Variants in AKT2 observed in about 807,000 individuals in gnomAD.
AKT2 encodes AKT serine/threonine kinase 2.
In AKT2, 16 loss-of-function variants were observed where a neutral mutation model predicts 58.6. The ratio of observed to expected loss-of-function variants is 0.27; its 90% CI spans 0.18 to 0.41. The LOEUF is 0.41. Ranked by LOEUF, AKT2 falls within the 10% of genes least tolerant of loss-of-function variation. AKT2 has a pLI of 1.00. For missense variants in AKT2, 438 were observed against 661.0 expected, an observed-to-expected ratio of 0.66 and a Z score of 3.70; for synonymous variants, 253 against 254.0, an observed-to-expected ratio of 1.00 and a Z score of 0.04.
At chr19:40,264,697 C>T (rs1976215281) in intron 2 of AKT2, among the ~76,000 whole-genome samples, 1 of 152,110 alleles carries the variant, frequency 6.6e-6, no homozygotes, top group South Asian at 2.1e-4. Context: ...CCGTCTCCTC[C>T]GGGCAGCCTC....
chr19:40,277,512 G>A (rs952959911), intron 1 of AKT2, among the ~76,000 whole-genome samples: 5 of 152,004 alleles, frequency 3.3e-5, no homozygotes, highest in African/African-American at 1.2e-4. Context: ...TTCTCTTTGG[G>A]GATAAAGCCC....
intron 1 of AKT2, chr19:40,274,941 G>A (rs565470331): frequency 4.9e-4 from 195 of 399,084 alleles, no homozygotes; most frequent in Non-Finnish European, 8.7e-4. Flanking sequence ...CCAGGGCAGG[G>A]CAGGAGTCCT....
chr19:40,257,285 G>GA (rs1975606880), intron 2 of AKT2, among the ~76,000 whole-genome samples: 1 of 152,240 alleles, frequency 6.6e-6, no homozygotes, highest in African/African-American at 2.4e-5. Context: ...TGCCTGGCAG[G>GA]AAGGTGCCAG....
intron 1 of AKT2, chr19:40,275,377 G>A (rs1377136915): frequency 2.2e-6 from 1 of 452,444 alleles, no homozygotes; most frequent in South Asian, 1.6e-5. Flanking sequence ...GGGCCCAGTG[G>A]CAAAAGGAGA....
At chr19:40,280,439 C>T (rs986982004) in intron 1 of AKT2, among the ~76,000 whole-genome samples, 3 of 152,162 alleles carry the variant, frequency 2.0e-5, no homozygotes, top group Non-Finnish European at 4.4e-5. Context: ...GCCTGTGAAA[C>T]GCCCTGCTCC....
At position 40,250,645 on chromosome 19, in the gene AKT2, TG is replaced by T. The variant is rs569905637; in HGVS notation, c.287+4512del. On this transcript the variant is annotated intron_variant, in intron 4 of 13. Transcript: ENST00000392038. ...GGGTTCAAGACCAGCCTGGGCAACA[TG>T]GTGAAACCCCATCTCTACAAAAAAT... 1.1e-4 allele frequency among the ~76,000 whole-genome samples: 16 copies of T among 151,682 alleles called. No individual in the cohort carries two copies. The South Asian group carries it at 3.1e-3, about 30-fold the overall frequency.
At position 40,235,024 on chromosome 19, in the gene AKT2, G is replaced by T. The variant is rs147362111; in HGVS notation, c.1366+21C>A. ...CCACCCCTGGGGCAGGCACACCAGC[G>T]CGGGGGCCCCAGGCACTCACAGCGG... On this transcript the variant is annotated intron_variant, in intron 13 of 13. Transcript: ENST00000392038. This position sits in a 1 kb window ranked among gnomAD's most constrained non-coding sequence, Gnocchi z 6.3. 8 of 1,607,568 alleles carry T rather than the reference G, an allele frequency of 5.0e-6. No individual in the cohort carries two copies. In the East Asian group the frequency reaches 8.9e-5, roughly 18 times the overall value.
At chr19:40,241,289 G>T (rs1974389947) in intron 6 of AKT2, 1 of 159,606 alleles carries the variant, frequency 6.3e-6, no homozygotes, top group East Asian at 1.8e-4. Context: ...AGCTAATTTG[G>T]TTGGCTCTGA....
chr19:40,238,754 G>T lies in AKT2; in HGVS notation c.708+151C>A. 1.3e-6 allele frequency: 1 copy of T among 790,036 alleles called. No individual in the cohort carries two copies. The highest frequency in any genetic ancestry group is 1.5e-5 in the South Asian group (1 of 65,892). 48.9% of individuals were successfully genotyped at this position (790,036 alleles called of 1,614,324 possible). On this transcript the variant is annotated intron_variant, in intron 8 of 13. Transcript: ENST00000392038. The surrounding 1 kb of genome is among the most constrained non-coding windows in gnomAD (Gnocchi z 5.1). ...GCCTCAGTGACTGCCCCCCCAAAATGGAGACGAAGCCGCCTGCCTCAAGGG... is the reference window on the plus strand; with the variant it reads ...GCCTCAGTGACTGCCCCCCCAAAATTGAGACGAAGCCGCCTGCCTCAAGGG...
At chr19:40,274,873 T>C (rs375550114) in intron 1 of AKT2, 12 of 356,470 alleles carry the variant, frequency 3.4e-5, no homozygotes, top group African/African-American at 2.4e-4. Context: ...AGAGGGGAAC[T>C]ATCCGCCTGA....
chr19:40,268,195 G>A (rs968696386), intron 1 of AKT2, among the ~76,000 whole-genome samples: 1 of 152,184 alleles, frequency 6.6e-6, no homozygotes, highest in African/African-American at 2.4e-5. Context: ...GTCCAAAGGA[G>A]GGGCTGATGT....
chr19:40,267,317 T>C (rs1976428477), intron 1 of AKT2, among the ~76,000 whole-genome samples: 1 of 152,158 alleles, frequency 6.6e-6, no homozygotes, highest in South Asian at 2.1e-4. Context: ...GACGTGCACC[T>C]AGAAAGCCCT....
At chr19:40,277,111 G>A (rs937949450) in intron 1 of AKT2, among the ~76,000 whole-genome samples, 1 of 152,172 alleles carries the variant, frequency 6.6e-6, no homozygotes, top group African/African-American at 2.4e-5. Flanking sequence ...ACACACAGCT[G>A]GGGACAGGGC....
At chr19:40,276,833 T>C (rs187570476) in intron 1 of AKT2, among the ~76,000 whole-genome samples, 13 of 152,102 alleles carry the variant, frequency 8.5e-5, no homozygotes, top group African/African-American at 1.2e-4. Context: ...CTGAGCAAAA[T>C]AGGGAGACTC....
chr19:40,279,252 G>C (rs1182924258), intron 1 of AKT2: 1 of 152,464 alleles, frequency 6.6e-6, no homozygotes, highest in African/African-American at 2.4e-5. Context: ...CCTGGGCCCT[G>C]CTGTGGGTGC....
At position 40,236,676 on chromosome 19, in the gene AKT2, G is replaced by A. The variant is rs540914067; in HGVS notation, c.832-291C>T. 919 of 462,904 alleles carry A rather than the reference G, an allele frequency of 2.0e-3. 2 individuals carry two copies. Among genetic ancestry groups the A allele is most frequent in the Middle Eastern group, 0.019 (29 of 1,560 alleles). The allele number at this position is 462,904 out of a possible 1,614,324, so 28.7% of individuals were successfully genotyped here. A position where few individuals can be genotyped will look rare whatever the true frequency, so the allele number is the denominator to read the frequency against. On this transcript the variant is annotated intron_variant, in intron 9 of 13. Coordinates refer to ENST00000392038, the MANE Select transcript of AKT2 (RefSeq NM_001626.6). The stretch of plus-strand genomic sequence containing the variant: ...GTGAACTGTGGTTCTTATTTCGAAC[G>A]TGGGGGCACTAGCTTTCTTCTATTC...
rs2077494482 is a variant in AKT2, at chr19:40,285,268, C to T, written c.-172G>A. 2.5e-6 allele frequency: 1 copy of T among 395,230 alleles called. No homozygotes were observed. 24.5% of individuals were successfully genotyped at this position (395,230 alleles called of 1,614,324 possible). On this transcript the variant is annotated 5_prime_UTR_variant, in exon 1 of 14. Coordinates refer to ENST00000392038, the MANE Select transcript of AKT2 (RefSeq NM_001626.6). ...GCTGGTTCCCTTTCCTTGTGTTTCC[C>T]GGCAGCGGCAACGGCGCCGGCAGCG... is the stretch of plus-strand genomic sequence containing the variant.
In AKT2 at chr19:40,234,678, C is replaced by A; in HGVS notation, c.1366+367G>T. The A allele has an allele frequency of 1.7e-6, 1 of 573,684 alleles. No individual in the cohort carries two copies. Among genetic ancestry groups the A allele is most frequent in the Non-Finnish European group, 3.1e-6 (1 of 325,096 alleles). The allele number at this position is 573,684 out of a possible 1,614,324, so 35.5% of individuals were successfully genotyped here. Reference sequence around the variant, plus strand: ...CCACCCTACCTGGGCTGGGAGCTTTCCAGGGCAGGGCCCAGGGCTGGCTCA... The same window carrying A: ...CCACCCTACCTGGGCTGGGAGCTTTACAGGGCAGGGCCCAGGGCTGGCTCA... On this transcript the variant is annotated intron_variant, in intron 13 of 13. Coordinates refer to ENST00000392038, the MANE Select transcript of AKT2 (RefSeq NM_001626.6). This position sits in a 1 kb window ranked among gnomAD's most constrained non-coding sequence, Gnocchi z 4.7.
chr19:40,256,737 A>T (rs1407122403), intron 3 of AKT2, among the ~76,000 whole-genome samples, 189 bp downstream of exon 3: 1 of 152,138 alleles, frequency 6.6e-6, no homozygotes, highest in East Asian at 1.9e-4. Context: ...CCCACTCTGC[A>T]TCTCCCCGCA....
Sources: allele counts gnomAD v4.1 joint callset (sites outside exome capture counted in the v4.1 genomes callset), GRCh38; gene constraint gnomAD v4.1.1; non-coding constraint Gnocchi (gnomAD v3.1); transcripts MANE v1.5; gene names NCBI Gene and HGNC (gene_info 2026-07-23, HGNC 2026-07-21).